The following COL4A2 variants were observed in gnomAD, a reference collection of about 807,000 sequenced individuals.
The protein encoded by COL4A2 is collagen alpha-2(IV) chain.
COL4A2 carries 99 observed loss-of-function variants against 200.2 expected under a neutral mutation model. That is an observed-to-expected ratio of 0.49 (90% CI 0.42 to 0.58). COL4A2 has a LOEUF of 0.58. Ranked by LOEUF, COL4A2 falls within the 20% of genes least tolerant of loss-of-function variation. COL4A2 has a pLI of 0.00. For missense variants in COL4A2, 1,950 were observed against 2,314.1 expected, an observed-to-expected ratio of 0.84 and a Z score of 3.23; for synonymous variants, 897 against 900.6, an observed-to-expected ratio of 1.00 and a Z score of 0.07.
chr13:110,432,193 A>G (rs1435619131), intron 10 of COL4A2, 132 bp from the exon 11 acceptor site: 6 of 1,172,012 alleles, frequency 5.1e-6, no homozygotes, highest in Non-Finnish European at 5.5e-6. Flanking sequence ...AGCCAAATGC[A>G]TCAGAAACCT....
intron 3 of COL4A2, among the ~76,000 whole-genome samples, chr13:110,344,200 T>C (rs1365547269): frequency 6.6e-6 from 1 of 152,196 alleles, no homozygotes; most frequent in East Asian, 1.9e-4. Flanking sequence ...GTCTGAAAAC[T>C]CACTTCTAAC....
chr13:110,454,415 C>T (rs1335929650), intron 20 of COL4A2, among the ~76,000 whole-genome samples: 2 of 152,168 alleles, frequency 1.3e-5, no homozygotes, highest in Non-Finnish European at 2.9e-5. Flanking sequence ...GAATGAATGA[C>T]GTGTCTCAGA....
intron 27 of COL4A2, 41 bp downstream of exon 27, chr13:110,467,137 C>T: frequency 6.2e-7 from 1 of 1,612,800 alleles, no homozygotes; most frequent in African/African-American, 1.3e-5. Context: ...CAGCCTTCCT[C>T]CCACATCTTC....
intron 39 of COL4A2, among the ~76,000 whole-genome samples, chr13:110,494,293 C>T (rs1164316428): frequency 6.6e-6 from 1 of 151,826 alleles, no homozygotes; most frequent in East Asian, 1.9e-4. Context: ...CTCCCTTTAA[C>T]CCTGTCCTCC....
At chr13:110,449,575 C>A in intron 18 of COL4A2, 104 bp from the exon 19 acceptor site, 1 of 1,101,056 alleles carries the variant, frequency 9.1e-7, no homozygotes, top group Non-Finnish European at 1.3e-6. Context: ...CCGCATACAG[C>A]ATATGGAGCA....
chr13:110,430,519 A>T, intron 9 of COL4A2, 26 bp from the exon 10 acceptor site: 1 of 1,614,188 alleles, frequency 6.2e-7, no homozygotes, highest in Admixed American at 1.7e-5. Flanking sequence ...CTCTCTTAAA[A>T]ACATTCTCCC....
intron 3 of COL4A2, among the ~76,000 whole-genome samples, chr13:110,312,119 GAGA>G (rs1566466555): frequency 6.6e-6 from 1 of 152,224 alleles, no homozygotes; most frequent in Non-Finnish European, 1.5e-5. Context: ...ATGGCCCTCT[GAGA>G]AGAAGGGAAA....
chr13:110,430,553 C>T lies in COL4A2; in HGVS notation c.594C>T (p.Pro198=), dbSNP rs74124319. The T allele has an allele frequency of 5.2e-3, 8,451 of 1,614,182 alleles. 388 individuals are homozygous for T. In the African/African-American group the frequency reaches 0.097, roughly 19 times the overall value. ...CCGCTGCCTATCCATAGGGACCTCC[C>T]GGCCGCCCTGGGCATGTGGGACAGA... ...EPGLVGFQGP[P]GRPGHVGQMG... Residue 198 remains proline, a synonymous_variant, in exon 10 of 48, where the codon CCC becomes CCT. Transcript: ENST00000360467.
intron 3 of COL4A2, among the ~76,000 whole-genome samples, chr13:110,354,198 A>G (rs1566488980): frequency 6.6e-6 from 1 of 152,220 alleles, no homozygotes; most frequent in Non-Finnish European, 1.5e-5. Context: ...CTATAGACCC[A>G]GGAGGCCCGC....
intron 47 of COL4A2, among the ~76,000 whole-genome samples, chr13:110,509,895 G>A (rs1884028321): frequency 2.6e-5 from 4 of 152,176 alleles, no homozygotes; most frequent in Admixed American, 2.0e-4. Flanking sequence ...CCCTGACAAT[G>A]GATAAGTGAG....
intron 47 of COL4A2, among the ~76,000 whole-genome samples, chr13:110,509,270 T>TACACACACACACACACACAC (rs60333796): frequency 7.8e-5 from 9 of 115,578 alleles, no homozygotes; most frequent in African/African-American, 3.1e-4. Context: ...TATATATATA[T>TACACACACACACACACACAC]ACACACACAC....
intron 3 of COL4A2, among the ~76,000 whole-genome samples, chr13:110,341,516 A>G (rs1876453492): frequency 6.6e-6 from 1 of 152,214 alleles, no homozygotes; most frequent in Admixed American, 6.5e-5. Flanking sequence ...AGATCTTAGC[A>G]CTTAGCAGAC....
intron 19 of COL4A2, among the ~76,000 whole-genome samples, chr13:110,450,089 A>G (rs1881480962): frequency 6.6e-6 from 1 of 152,154 alleles, no homozygotes; most frequent in African/African-American, 2.4e-5. Flanking sequence ...CCCAGTGTTG[A>G]TCACAACTAT....
intron 4 of COL4A2, among the ~76,000 whole-genome samples, chr13:110,417,180 C>T (rs1321949462): frequency 6.6e-6 from 1 of 152,178 alleles, no homozygotes; most frequent in Non-Finnish European, 1.5e-5. Context: ...AAGGTTTCAC[C>T]ATGTTGGCCA....
At chr13:110,427,068 CT>C (rs1880495563) in intron 6 of COL4A2, among the ~76,000 whole-genome samples, 1 of 152,192 alleles carries the variant, frequency 6.6e-6, no homozygotes, top group South Asian at 2.1e-4. Flanking sequence ...AAAAGTTCTA[CT>C]TTTTTATTTT....
intron 20 of COL4A2, among the ~76,000 whole-genome samples, chr13:110,452,794 G>A (rs757754537): frequency 2.0e-5 from 3 of 151,700 alleles, no homozygotes; most frequent in Admixed American, 1.3e-4. Flanking sequence ...ACAGGGTCTC[G>A]CTCTGTATCC....
At position 110,493,075 on chromosome 13, in the gene COL4A2, C is replaced by A. The variant is rs968045953; in HGVS notation, c.3563-136C>A. 4.0e-5 allele frequency: 34 copies of A among 852,470 alleles called. 3 individuals carry two copies. Among genetic ancestry groups the A allele is most frequent in the Admixed American group, 8.9e-5 (4 of 44,830 alleles). 52.8% of individuals were successfully genotyped at this position (852,470 alleles called of 1,614,324 possible). ...CAGGTGAAATAACGATGAGTGACAC[C>A]CCCATGGGTGAAATAACGATGAGTG... On this transcript the variant is annotated intron_variant, in intron 38 of 47. Transcript: ENST00000360467.
In COL4A2 at chr13:110,457,406, C is replaced by G. The variant is rs752241504; in HGVS notation, c.1403C>G (p.Pro468Arg). 14 of 1,610,918 alleles carry G rather than the reference C, an allele frequency of 8.7e-6. No individual in the cohort carries two copies. The highest frequency in any genetic ancestry group is 1.2e-5 in the Non-Finnish European group (14 of 1,177,302). The part of the protein sequence containing the change: ...RAGFPGLPGS[P>R]GARGPKGWKG... ...GGCTTCCCTGGGCTTCCCGGCTCCC[C>G]TGGAGCCCGCGGACCAAAGGGGTGG... The change falls in exon 21 of 48, where the codon CCT (proline) becomes CGT (arginine). Residue 468 changes from proline (P) to arginine (R), a missense_variant. Physicochemically the swap from Pro to Arg is moderately radical, Grantham distance 103. Around this residue, in one of 2 missense-constraint regions of COL4A2, gnomAD observed 1,385 missense variants for 1,720.5 expected, o/e 0.80. Transcript: ENST00000360467.
intron 22 of COL4A2, 122 bp from the exon 23 acceptor site, chr13:110,461,992 C>T (rs1372229382): frequency 9.8e-6 from 14 of 1,431,962 alleles, no homozygotes; most frequent in South Asian, 8.1e-5. Flanking sequence ...CCTTGGGTGG[C>T]GCTCGGTTTG....
Sources: gnomAD v4.1 joint callset for allele counts (sites outside exome capture counted in the v4.1 genomes callset) on GRCh38, gnomAD v4.1.1 for gene constraint, gnomAD v4.1.1 regional missense constraint, MANE v1.5 for transcripts, NCBI Gene and HGNC (gene_info 2026-07-23, HGNC 2026-07-21) for gene names.